The following SETBP1 variants were observed in gnomAD, a reference collection of about 807,000 sequenced individuals.
SETBP1 encodes SET-binding protein.
SETBP1 carries 9 observed loss-of-function variants against 101.0 expected under a neutral mutation model. The ratio of observed to expected loss-of-function variants is 0.09; its 90% CI spans 0.05 to 0.16. SETBP1 has a LOEUF of 0.16. Ranked by LOEUF, SETBP1 falls within the 10% of genes least tolerant of loss-of-function variation. The pLI, the probability that SETBP1 is intolerant of heterozygous loss-of-function variation, is 1.00. For missense variants in SETBP1, 1,858 were observed against 2,033.8 expected, an observed-to-expected ratio of 0.91 and a Z score of 1.66; for synonymous variants, 818 against 788.5, an observed-to-expected ratio of 1.04 and a Z score of -0.63.
chr18:44,898,539 A>G (rs1599293713), intron 3 of SETBP1, among the ~76,000 whole-genome samples: 1 of 152,258 alleles, frequency 6.6e-6, no homozygotes, highest in East Asian at 1.9e-4. Context: ...TAGCTGGAAG[A>G]CAATTCTCTC....
intron 2 of SETBP1, among the ~76,000 whole-genome samples, chr18:44,813,727 C>T (rs948709879): frequency 1.3e-5 from 2 of 152,224 alleles, no homozygotes; most frequent in African/African-American, 2.4e-5. Context: ...GCAAGAAACA[C>T]ATAGTAATTC....
At chr18:44,687,513 G>C (rs1449550333) in intron 1 of SETBP1, among the ~76,000 whole-genome samples, 1 of 152,178 alleles carries the variant, frequency 6.6e-6, no homozygotes, top group Non-Finnish European at 1.5e-5. Context: ...AGTCTTGGAG[G>C]ACAGGGAAGG....
chr18:44,921,902 A>G (rs140299066), intron 3 of SETBP1, among the ~76,000 whole-genome samples: 389 of 152,102 alleles, frequency 2.6e-3, no homozygotes, highest in East Asian at 0.025. Flanking sequence ...GGCACAAGGA[A>G]CTCCACAACT....
intron 2 of SETBP1, among the ~76,000 whole-genome samples, chr18:44,719,460 C>T (rs1340238736): frequency 6.6e-6 from 1 of 152,138 alleles, no homozygotes; most frequent in Non-Finnish European, 1.5e-5. Flanking sequence ...TGACCTTTTC[C>T]GAGAAGGAAT....
At chr18:44,912,819 G>C (rs2070344235) in intron 3 of SETBP1, among the ~76,000 whole-genome samples, 1 of 152,090 alleles carries the variant, frequency 6.6e-6, no homozygotes, top group African/African-American at 2.4e-5. Flanking sequence ...TTCCTTTTCT[G>C]CTCTCTCCCT....
intron 2 of SETBP1, among the ~76,000 whole-genome samples, chr18:44,867,617 G>A (rs2069157419): frequency 6.6e-6 from 1 of 152,122 alleles, no homozygotes; most frequent in South Asian, 2.1e-4. Flanking sequence ...GGCCTAATGT[G>A]TTGTGGCTTG....
chr18:44,911,006 T>A (rs1167613596), intron 3 of SETBP1, among the ~76,000 whole-genome samples: 2 of 152,188 alleles, frequency 1.3e-5, no homozygotes, highest in Non-Finnish European at 2.9e-5. Context: ...CCCTTGTGTA[T>A]GTACATGCAT....
intron 3 of SETBP1, among the ~76,000 whole-genome samples, chr18:44,907,297 C>T (rs2070197458): frequency 6.6e-6 from 1 of 152,150 alleles, no homozygotes; most frequent in Non-Finnish European, 1.5e-5. Context: ...GTTATTGTAA[C>T]TAATGCTGCT....
chr18:44,968,528 A>G (rs941801406), intron 4 of SETBP1, among the ~76,000 whole-genome samples: 2 of 152,190 alleles, frequency 1.3e-5, no homozygotes, highest in Non-Finnish European at 2.9e-5. Context: ...TGGACTGCCA[A>G]GTAGTAGGCC....
chr18:44,928,203 G>C (rs1341513483), intron 3 of SETBP1, among the ~76,000 whole-genome samples: 2 of 152,178 alleles, frequency 1.3e-5, no homozygotes, highest in Non-Finnish European at 2.9e-5. Flanking sequence ...CCTTGTGATA[G>C]TTTGCTCAGA....
intron 2 of SETBP1, among the ~76,000 whole-genome samples, chr18:44,722,244 G>T (rs1031903429): frequency 7.9e-5 from 12 of 152,152 alleles, no homozygotes; most frequent in African/African-American, 1.4e-4. Context: ...GGAGAGGAAG[G>T]AATCCTGGGA....
chr18:44,734,304 C>G (rs528983750), intron 2 of SETBP1, among the ~76,000 whole-genome samples: 7 of 152,306 alleles, frequency 4.6e-5, no homozygotes, highest in African/African-American at 1.7e-4. Context: ...TTCGTACTCT[C>G]TGCTAGTATT....
intron 2 of SETBP1, among the ~76,000 whole-genome samples, chr18:44,790,643 G>A (rs558449648): frequency 6.6e-6 from 1 of 152,286 alleles, no homozygotes; most frequent in South Asian, 2.1e-4. Context: ...CTCAGTATTG[G>A]CTGCATGACA....
At chr18:45,032,277 C>T (rs2073312468) in intron 4 of SETBP1, among the ~76,000 whole-genome samples, 1 of 152,134 alleles carries the variant, frequency 6.6e-6, no homozygotes, top group Non-Finnish European at 1.5e-5. Context: ...GTTGGACATC[C>T]TTCGTTGTTT....
chr18:44,748,561 G>GGGTC (rs2070313325), intron 2 of SETBP1, among the ~76,000 whole-genome samples: 2 of 152,208 alleles, frequency 1.3e-5, no homozygotes. Context: ...TTTATGCAGT[G>GGGTC]GGTCAGTTGA....
intron 5 of SETBP1, among the ~76,000 whole-genome samples, chr18:45,057,165 C>A (rs1439715945): frequency 2.6e-5 from 4 of 152,054 alleles, no homozygotes; most frequent in Non-Finnish European, 5.9e-5. Context: ...ATGCCCCCTA[C>A]CTTGCAGAGG....
At chr18:44,803,003 G>A (rs1364408684) in intron 2 of SETBP1, among the ~76,000 whole-genome samples, 2 of 152,052 alleles carry the variant, frequency 1.3e-5, no homozygotes, top group African/African-American at 2.4e-5. Context: ...TTGAGTAGAC[G>A]TTGAAAAGTA....
intron 4 of SETBP1, among the ~76,000 whole-genome samples, chr18:45,035,317 A>G (rs2073375564): frequency 6.6e-6 from 1 of 152,200 alleles, no homozygotes; most frequent in Non-Finnish European, 1.5e-5. Context: ...TTTTGAAATC[A>G]TTGGGTGGTA....
intron 4 of SETBP1, among the ~76,000 whole-genome samples, chr18:45,036,262 G>A (rs1242009814): frequency 1.3e-5 from 2 of 151,528 alleles, no homozygotes; most frequent in Non-Finnish European, 2.9e-5. Flanking sequence ...GAACCCAGGA[G>A]GTGGAGGTTG....
Sources: gnomAD v4.1 joint callset for allele counts (sites outside exome capture counted in the v4.1 genomes callset) on GRCh38, gnomAD v4.1.1 for gene constraint, MANE v1.5 for transcripts, NCBI Gene and HGNC (gene_info 2026-07-23, HGNC 2026-07-21) for gene names.